CARD9: variants seen among roughly 807,000 people sequenced by gnomAD.
CARD9 encodes the protein caspase recruitment domain family member 9, also known as caspase recruitment domain-containing protein 9.
In CARD9, 53 loss-of-function variants were observed where a neutral mutation model predicts 66.0. That is an observed-to-expected ratio of 0.80 (90% confidence interval 0.64 to 1.01). The LOEUF (loss-of-function observed/expected upper bound fraction) is 1.01. CARD9 is among the 50% of genes least tolerant of loss of function. The probability of loss-of-function intolerance (pLI) is 0.00; values close to 1 mark genes in which losing one functional copy is unlikely to be tolerated. For missense variants in CARD9, 769 were observed against 743.2 expected, an observed-to-expected ratio of 1.03 and a Z score of -0.40; for synonymous variants, 387 against 313.8, an observed-to-expected ratio of 1.23 and a Z score of -2.47.
intron 11 of CARD9, 135 bp downstream of exon 11, chr9:136,365,006 G>T: frequency 2.5e-6 from 2 of 798,056 alleles, no homozygotes; most frequent in Non-Finnish European, 4.1e-6. Context: ...AGCACTGTGG[G>T]CAGAGACCTT....
rs748156964 is a variant in CARD9, at chr9:136,367,239, C to T, written c.1288G>A (p.Gly430Ser). The change falls in exon 9 of 13, where the codon GGC (glycine) becomes AGC (serine). Residue 430 changes from glycine (G) to serine (S), a missense_variant. By Grantham distance (56) the Gly-to-Ser change is moderately conservative. Transcript: ENST00000371732. ...TLVLSSDLED[G>S]SPRRSQELSL... ...ACCTCCTGGGACCTCCTGGGTGAGC[C>T]ATCTTCCAGGTCGGAGCTCTGTGGT... is the stretch of plus-strand genomic sequence containing the variant. The T allele has an allele frequency of 1.9e-6, 3 of 1,612,774 alleles. No individual in the cohort carries two copies. Among genetic ancestry groups the T allele is most frequent in the East Asian group, 2.2e-5 (1 of 44,878 alleles).
chr9:136,367,558 C>T, intron 8 of CARD9, 79 bp downstream of exon 8: 3 of 1,472,668 alleles, frequency 2.0e-6, no homozygotes, highest in East Asian at 4.9e-5. Flanking sequence ...GTCGGGAAGG[C>T]CGGGGCTGAG....
At chr9:136,372,669 C>T (rs1833303908) in intron 1 of CARD9, among the ~76,000 whole-genome samples, 1 of 152,352 alleles carries the variant, frequency 6.6e-6, no homozygotes, top group East Asian at 1.9e-4. Flanking sequence ...TGCTCACATC[C>T]CTGGCTGTGC....
In CARD9 at chr9:136,370,286, C is replaced by G; in HGVS notation, c.951+8G>C. On this transcript the variant is annotated splice_region_variant and intron_variant, in intron 6 of 12. Coordinates refer to ENST00000371732, the MANE Select transcript of CARD9 (RefSeq NM_052813.5). ...CCAGGGGCCATGTCTCCCCGCCTGC[C>G]CTCCTACCCGGAGGCGTCGGGCCTC... 1 of 1,599,214 alleles carries G rather than the reference C, an allele frequency of 6.3e-7. No homozygotes were observed. The highest frequency in any genetic ancestry group is 8.5e-7 in the Non-Finnish European group (1 of 1,178,150).
chr9:136,367,875 G>C, intron 7 of CARD9, 47 bp from the exon 8 acceptor site: 1 of 1,558,944 alleles, frequency 6.4e-7, no homozygotes, highest in South Asian at 1.1e-5. Context: ...CCCCAAGCTT[G>C]CCCTGGGCCC....
chr9:136,366,747 C>T (rs1461718237), intron 10 of CARD9, 53 bp downstream of exon 10: 9 of 1,595,892 alleles, frequency 5.6e-6, no homozygotes, highest in South Asian at 3.3e-5. Flanking sequence ...TGAAGATGGG[C>T]CTCACTTGGG....
At position 136,371,056 on chromosome 9, in the gene CARD9, T is replaced by G. The variant is rs2131444271; in HGVS notation, c.412A>C (p.Ser138Arg). 1 of 1,612,614 alleles carries G rather than the reference T, an allele frequency of 6.2e-7. No individual in the cohort carries two copies. Residue 138 changes from serine (S) to arginine (R), a missense_variant, in exon 4 of 13, where the codon AGC becomes CGC. Transcript: ENST00000371732. ...TCCTTGATGAAGTCATCTTTGGAGCTCAGCAGCGCGGTCAGGTCCTGCACC... is the reference window on the plus strand; with the variant it reads ...TCCTTGATGAAGTCATCTTTGGAGCGCAGCAGCGCGGTCAGGTCCTGCACC... The part of the protein sequence containing the change: ...KKVQDLTALL[S>R]SKDDFIKELR...
chr9:136,370,493 G>A (rs1833237734), intron 5 of CARD9, 29 bp downstream of exon 5: 4 of 1,603,026 alleles, frequency 2.5e-6, no homozygotes, highest in East Asian at 4.5e-5. Flanking sequence ...GCCCTGCCTG[G>A]GCTGCACCTG....
intron 3 of CARD9, 84 bp downstream of exon 3, chr9:136,371,240 A>G: frequency 6.3e-7 from 1 of 1,581,448 alleles, no homozygotes; most frequent in Non-Finnish European, 8.6e-7. Context: ...GCTCCTAGGG[A>G]TGGGGGCCAG....
In CARD9 at chr9:136,367,436, A is replaced by C. The variant is rs994614202; in HGVS notation, c.1270-179T>G. 2.2e-6 allele frequency: 2 copies of C among 927,326 alleles called. 1 individual carries two copies. The highest frequency in any genetic ancestry group is 4.5e-5 in the Admixed American group (2 of 44,514). The allele number at this position is 927,326 out of a possible 1,614,324, so 57.4% of individuals were successfully genotyped here. On this transcript the variant is annotated intron_variant, in intron 8 of 12. Transcript: ENST00000371732. ...TGCCTGATGGCCAGGCCCAGGACCC[A>C]CCCCGGCCCTGCAGCCCCACTTCCT...
chr9:136,367,161 G>A (rs1833143146), intron 9 of CARD9, 55 bp downstream of exon 9: 7 of 1,578,324 alleles, frequency 4.4e-6, no homozygotes, highest in Non-Finnish European at 6.1e-6. Flanking sequence ...TGGCAGCTCA[G>A]CCAGGACCCC....
chr9:136,363,970 G>T lies in CARD9; in HGVS notation c.*332C>A, dbSNP rs1438013951. On this transcript the variant is annotated 3_prime_UTR_variant, in exon 13 of 13. Transcript: ENST00000371732. ...CCGAGCGGGAATGCGGGTCACCCGT[G>T]CTGTTTATTTACGCAGCTGTGTTTT... is the stretch of plus-strand genomic sequence containing the variant. The T allele has an allele frequency of 9.2e-7, 1 of 1,081,354 alleles. No homozygotes were observed. The highest frequency in any genetic ancestry group is 1.4e-6 in the Non-Finnish European group (1 of 725,510). The allele number at this position is 1,081,354 out of a possible 1,614,324, so 67.0% of individuals were successfully genotyped here. A position where few individuals can be genotyped will look rare whatever the true frequency, so the allele number is the denominator to read the frequency against.
rs190979325 is a variant in CARD9 at position 136,373,634 on chromosome 9, G to C, written c.-119C>G. On this transcript the variant is annotated 5_prime_UTR_variant, in exon 1 of 13. Transcript: ENST00000371732. ...CGGGGCTGCAGGGAGGGAGGAGCAC[G>C]CCGGACGCCTGTGCACTTCCTGATG... 76 of 950,672 alleles carry C rather than the reference G, an allele frequency of 8.0e-5. 1 individual carries two copies. In the East Asian group the frequency reaches 7.8e-3, roughly 97 times the overall value. The allele number at this position is 950,672 out of a possible 1,614,324, so 58.9% of individuals were successfully genotyped here. A position where few individuals can be genotyped will look rare whatever the true frequency, so the allele number is the denominator to read the frequency against.
chr9:136,369,717 G>A, intron 7 of CARD9, 33 bp downstream of exon 7: 1 of 1,568,854 alleles, frequency 6.4e-7, no homozygotes, highest in South Asian at 1.1e-5. Context: ...ACCCGCGAGT[G>A]GGGTGCTTTG....
At position 136,369,771 on chromosome 9, in the gene CARD9, C is replaced by T; in HGVS notation, c.1056G>A (p.Glu352=). The change falls in exon 7 of 13, where the codon GAG becomes GAA. Residue 352 remains glutamate, a synonymous_variant. Transcript: ENST00000371732. ...CCACCTGGTCCCGCTCAATGGCGAC[C>T]TCCTCCATCTGCAGCAGGATGGCCT... ...RIEAILLQME[E]VAIERDQAIA... is the part of the protein sequence containing the mutation. 1.2e-6 allele frequency: 2 copies of T among 1,608,394 alleles called. No homozygotes were observed. Among genetic ancestry groups the T allele is most frequent in the Non-Finnish European group, 1.7e-6 (2 of 1,178,154 alleles).
chr9:136,372,098 G>T lies in CARD9; in HGVS notation c.-16-4C>A. ...CGACATGGCCTCAGCAGGCAGGCTGGGGAGTGTGGGGCAGTGCTGAGAGCG... is the reference window on the plus strand; with the variant it reads ...CGACATGGCCTCAGCAGGCAGGCTGTGGAGTGTGGGGCAGTGCTGAGAGCG... On this transcript the variant is annotated splice_region_variant and splice_polypyrimidine_tract_variant and intron_variant, in intron 1 of 12. Transcript: ENST00000371732. 6.2e-7 allele frequency: 1 copy of T among 1,612,012 alleles called. No homozygotes were observed. The highest frequency in any genetic ancestry group is 1.1e-5 in the South Asian group (1 of 91,060).
rs1285747619 is a variant in CARD9, at chr9:136,364,396, C to T, written c.1517G>A (p.Arg506His). 4.5e-6 allele frequency: 7 copies of T among 1,554,062 alleles called. No homozygotes were observed. The highest frequency in any genetic ancestry group is 1.2e-5 in the South Asian group (1 of 84,802). The change falls in exon 13 of 13, where the codon CGC (arginine) becomes CAC (histidine). Residue 506 changes from arginine to histidine, a missense_variant. Arg to His is a conservative substitution (Grantham distance 29). Coordinates refer to ENST00000371732, the MANE Select transcript of CARD9 (RefSeq NM_052813.5). The stretch of plus-strand genomic sequence containing the variant: ...TCCTTTCTGCATCTTCCTGAGGGCG[C>T]GCTTCCTGTGAAGACAGGTGTCTCA... Reference protein sequence around the residue: ...KESFENYRRKRALRKMQKGWR... With the variant: ...KESFENYRRKHALRKMQKGWR...
intron 11 of CARD9, 188 bp from the exon 12 acceptor site, chr9:136,364,747 G>T: frequency 3.1e-6 from 2 of 638,988 alleles, no homozygotes; most frequent in Non-Finnish European, 5.4e-6. Context: ...GGTGTGGGTA[G>T]CCTGCATTTC....
At chr9:136,370,500 C>T (rs748782008) in intron 5 of CARD9, 22 bp downstream of exon 5, 3 of 1,601,780 alleles carry the variant, frequency 1.9e-6, no homozygotes, top group East Asian at 2.3e-5. Context: ...CTGGGCTGCA[C>T]CTGCCCTGCC....
Sources: gnomAD v4.1 joint callset for allele counts (sites outside exome capture counted in the v4.1 genomes callset) on GRCh38, gnomAD v4.1.1 for gene constraint, MANE v1.5 for transcripts, NCBI Gene and HGNC (gene_info 2026-07-23, HGNC 2026-07-21) for gene names.